Variants in ROR2 observed in about 807,000 individuals in gnomAD.
ROR2 encodes tyrosine-protein kinase transmembrane receptor ROR2.
A neutral mutation model predicts 74.9 loss-of-function variants in ROR2; 33 were observed. That is an observed-to-expected ratio of 0.44 (90% CI 0.33 to 0.59). ROR2 has a LOEUF of 0.59. Ranked by LOEUF, ROR2 falls within the 20% of genes least tolerant of loss-of-function variation. ROR2 has a pLI of 0.02. For synonymous variants in ROR2, 586 were observed against 558.7 expected (o/e 1.05, Z -0.69); for missense variants, 1,216 against 1,313.8 (o/e 0.93, Z 1.15).
intron 1 of ROR2, among the ~76,000 whole-genome samples, chr9:91,899,289 C>T (rs1830612824): frequency 6.6e-6 from 1 of 152,172 alleles, no homozygotes; most frequent in South Asian, 2.1e-4. Context: ...CTGCAGACAC[C>T]AGGCCACAGC....
intron 1 of ROR2, chr9:91,948,820 C>T (rs1291507662): frequency 1.0e-6 from 1 of 985,400 alleles, no homozygotes; most frequent in Non-Finnish European, 1.2e-6. Flanking sequence ...TCTGGCGCTC[C>T]TGGGCCTGAA....
chr9:91,858,558 T>C (rs1564003808), intron 1 of ROR2, among the ~76,000 whole-genome samples: 1 of 152,192 alleles, frequency 6.6e-6, no homozygotes. Flanking sequence ...CCAGGCATTG[T>C]GTACTTAACA....
intron 1 of ROR2, among the ~76,000 whole-genome samples, chr9:91,922,989 C>A (rs1443568594): frequency 6.6e-6 from 1 of 152,018 alleles, no homozygotes. Flanking sequence ...CCTCCCCACT[C>A]CCCACTGCCC....
chr9:91,792,171 A>G (rs536850374), intron 1 of ROR2, among the ~76,000 whole-genome samples: 1 of 152,354 alleles, frequency 6.6e-6, no homozygotes, highest in East Asian at 1.9e-4. Flanking sequence ...TTTACACCTT[A>G]AGGAATTAGA....
At chr9:91,942,569 C>T (rs975901418) in intron 1 of ROR2, among the ~76,000 whole-genome samples, 2 of 152,080 alleles carry the variant, frequency 1.3e-5, no homozygotes, top group African/African-American at 4.8e-5. Flanking sequence ...CCCTCTCTTC[C>T]CCACCCCTCC....
intron 1 of ROR2, among the ~76,000 whole-genome samples, chr9:91,943,618 A>G (rs1488320419): frequency 6.6e-6 from 1 of 152,118 alleles, no homozygotes; most frequent in Non-Finnish European, 1.5e-5. Context: ...AATCAAACCT[A>G]CTAAGAAGGG....
intron 4 of ROR2, among the ~76,000 whole-genome samples, chr9:91,741,744 C>G (rs979293556): frequency 1.3e-5 from 2 of 152,198 alleles, no homozygotes; most frequent in African/African-American, 4.8e-5. Flanking sequence ...GAAGCTCAAT[C>G]TGTGACTCAC....
At chr9:91,882,790 C>A (rs921806960) in intron 1 of ROR2, among the ~76,000 whole-genome samples, 1 of 152,066 alleles carries the variant, frequency 6.6e-6, no homozygotes, top group Admixed American at 6.5e-5. Flanking sequence ...GAGGTGCCCA[C>A]GTGAAAACAG....
chr9:91,944,057 T>C lies in ROR2; in HGVS notation c.97+5810A>G, dbSNP rs533692535. Among the ~76,000 whole-genome samples, 6 of 152,340 alleles carry C rather than the reference T, an allele frequency of 3.9e-5. No homozygotes were observed. In the East Asian group the frequency reaches 9.6e-4, roughly 24 times the overall value. On this transcript the variant is annotated intron_variant, in intron 1 of 8. Transcript: ENST00000375708. ...GTCATGCGTTGCTCAACGATGACGA[T>C]ACATTCTGGGAAATGTGTCCCTGGG...
intron 4 of ROR2, among the ~76,000 whole-genome samples, chr9:91,739,677 C>T (rs1248139312): frequency 1.3e-5 from 2 of 152,172 alleles, no homozygotes; most frequent in Non-Finnish European, 2.9e-5. Context: ...GAACCTGGAG[C>T]TATAAATACT....
rs548597127 is a variant in ROR2 at position 91,911,945 on chromosome 9, A to C, written c.97+37922T>G. ...ACCTGAGTCTAAGCAAAAAAAAAAA[A>C]AAAAAAAAACCACAAACCCAAATTA... On this transcript the variant is annotated intron_variant, in intron 1 of 8. Transcript: ENST00000375708. Among the ~76,000 whole-genome samples, 25 of 151,734 alleles carry C rather than the reference A, an allele frequency of 1.6e-4. No homozygotes were observed. In the East Asian group the frequency reaches 4.4e-3, roughly 27 times the overall value.
chr9:91,819,045 C>T (rs1382525130), intron 1 of ROR2, among the ~76,000 whole-genome samples: 4 of 152,148 alleles, frequency 2.6e-5, no homozygotes, highest in East Asian at 1.9e-4. Context: ...AGAGGTGGTC[C>T]GCCTCTTCCT....
At chr9:91,908,801 G>A (rs1263969322) in intron 1 of ROR2, among the ~76,000 whole-genome samples, 8 of 152,128 alleles carry the variant, frequency 5.3e-5, no homozygotes, top group African/African-American at 1.7e-4. Context: ...TTCAAGCGGA[G>A]GGTGCCAATT....
At chr9:91,806,848 C>G (rs1298555743) in intron 1 of ROR2, among the ~76,000 whole-genome samples, 1 of 152,166 alleles carries the variant, frequency 6.6e-6, no homozygotes, top group Non-Finnish European at 1.5e-5. Flanking sequence ...CTCGGCCACC[C>G]AAAGTGCTGG....
In ROR2 at chr9:91,887,980, C is replaced by T. The variant is rs772596530; in HGVS notation, c.97+61887G>A. On this transcript the variant is annotated intron_variant, in intron 1 of 8. Coordinates refer to ENST00000375708, the MANE Select transcript of ROR2 (RefSeq NM_004560.4). ...CTAATTTTTGTATTTTTAGTAGAGACGGGGTTTTGCCATGTTGGTCAGGCT... is the reference window on the plus strand; with the variant it reads ...CTAATTTTTGTATTTTTAGTAGAGATGGGGTTTTGCCATGTTGGTCAGGCT... Among the ~76,000 whole-genome samples the T allele has an allele frequency of 7.2e-5, 11 of 151,850 alleles. No homozygotes were observed. In the South Asian group the frequency reaches 8.3e-4, roughly 11 times the overall value.
intron 1 of ROR2, among the ~76,000 whole-genome samples, chr9:91,782,006 G>C (rs368752775): frequency 7.9e-5 from 12 of 152,230 alleles, no homozygotes; most frequent in East Asian, 5.8e-4. Flanking sequence ...TTAGGTGAAG[G>C]GGGAGAGAGG....
At chr9:91,798,290 GGAAT>G (rs1479220719) in intron 1 of ROR2, among the ~76,000 whole-genome samples, 3 of 143,112 alleles carry the variant, frequency 2.1e-5, no homozygotes, top group African/African-American at 8.0e-5. Context: ...CTGTGGGTGG[GGAAT>G]GACACCCTGG....
chr9:91,726,447 T>C (rs1309840405), intron 8 of ROR2, 94 bp downstream of exon 8: 4 of 1,166,364 alleles, frequency 3.4e-6, no homozygotes, highest in Admixed American at 3.4e-5. Flanking sequence ...GTGCTATGTA[T>C]CAAGTAAATT....
At position 91,723,170 on chromosome 9, in the gene ROR2, T is replaced by A. The variant is rs1302450293; in HGVS notation, c.*492A>T. ...TCTTTGGCTGCTAAAGGGAGAATAT[T>A]CTCAGCAGGGAGGCAGCAGAAATGG... On this transcript the variant is annotated 3_prime_UTR_variant, in exon 9 of 9. Coordinates refer to ENST00000375708, the MANE Select transcript of ROR2 (RefSeq NM_004560.4). The A allele has an allele frequency of 6.2e-6, 1 of 161,990 alleles. No homozygotes were observed. The highest frequency in any genetic ancestry group is 2.4e-5 in the African/African-American group (1 of 41,602). The allele number at this position is 161,990 out of a possible 1,614,324, so 10.0% of individuals were successfully genotyped here. A position where few individuals can be genotyped will look rare whatever the true frequency, so the allele number is the denominator to read the frequency against.
Sources: gnomAD v4.1 joint callset for allele counts (sites outside exome capture counted in the v4.1 genomes callset) on GRCh38, gnomAD v4.1.1 for gene constraint, MANE v1.5 for transcripts, NCBI Gene and HGNC (gene_info 2026-07-23, HGNC 2026-07-21) for gene names.